ZNF469: variants seen among roughly 807,000 people sequenced by gnomAD.
The protein encoded by ZNF469 is zinc finger protein 469.
In ZNF469, 1 loss-of-function variant was observed where a neutral mutation model predicts 1.0. The observed-to-expected ratio is 1.00, with a 90% confidence interval of 0.35 to 4.73. ZNF469 has a LOEUF of 4.73. ZNF469 is among the 30% of genes most tolerant of loss of function. ZNF469 has a pLI of 0.16. For missense variants in ZNF469, 6,100 were observed against 5,356.3 expected (o/e 1.14, Z -4.33); for synonymous variants, 2,703 against 2,363.4 (o/e 1.14, Z -4.17).
the ZNF469 span, among the ~76,000 whole-genome samples, chr16:88,374,985 C>T: frequency 2.0e-5 from 3 of 152,226 alleles, no homozygotes; most frequent in South Asian, 2.1e-4. Context: ...AAAACACAGG[C>T]CCCAGCTGCA....
At position 88,422,944 on chromosome 16, in the gene ZNF469, T is replaced by C. The variant is rs1223859474; in HGVS notation, c.-191-1863T>C. Among the ~76,000 whole-genome samples the C allele has an allele frequency of 6.9e-5, 10 of 143,892 alleles. No homozygotes were observed. In the East Asian group the frequency reaches 2.2e-3, roughly 31 times the overall value. 94.4% of individuals were successfully genotyped at this position (143,892 alleles called of 152,430 possible). The stretch of plus-strand genomic sequence containing the variant: ...GATGGGTGATGGATGGGTGGATGGA[T>C]GATGATGGATGAGTGGATGGATGGA... On this transcript the variant is annotated intron_variant, in intron 1 of 2. Transcript: ENST00000565624.
the ZNF469 span, among the ~76,000 whole-genome samples, chr16:88,197,674 G>C: frequency 2.0e-5 from 3 of 152,208 alleles, no homozygotes; most frequent in African/African-American, 7.2e-5. Flanking sequence ...GTACGATGGT[G>C]TGGGCCTTGT....
chr16:88,418,152 G>A (rs1905354048), intron 1 of ZNF469, among the ~76,000 whole-genome samples: 1 of 152,244 alleles, frequency 6.6e-6, no homozygotes, highest in Non-Finnish European at 1.5e-5. Context: ...GGGGCAAGCA[G>A]AAGACCTGCG....
the ZNF469 span, among the ~76,000 whole-genome samples, chr16:88,296,744 CAT>C: frequency 1.4e-5 from 2 of 141,284 alleles, no homozygotes; most frequent in African/African-American, 2.7e-5. Context: ...CCCACACACA[CAT>C]ACACAGGTGC....
At chr16:88,408,579 G>A (rs745636170) in intron 1 of ZNF469, among the ~76,000 whole-genome samples, 6 of 151,934 alleles carry the variant, frequency 3.9e-5, no homozygotes, top group Non-Finnish European at 7.4e-5. Context: ...GGGTCAGCAC[G>A]AGGCTCAGGA....
At chr16:88,283,027 T>G in the ZNF469 span, among the ~76,000 whole-genome samples, 1 of 152,166 alleles carries the variant, frequency 6.6e-6, no homozygotes, top group Non-Finnish European at 1.5e-5. Flanking sequence ...ATGCATTAGG[T>G]CAAGAAGTTG....
At chr16:88,224,217 C>G in the ZNF469 span, among the ~76,000 whole-genome samples, 3 of 152,172 alleles carry the variant, frequency 2.0e-5, no homozygotes, top group Non-Finnish European at 2.9e-5. Flanking sequence ...CACGCGGCCA[C>G]ACACAGAACC....
At position 88,435,476 on chromosome 16, in the gene ZNF469, C is replaced by A; in HGVS notation, c.8006C>A (p.Ala2669Asp). The change falls in exon 3 of 3, where the codon GCC becomes GAC. Residue 2669 changes from alanine to aspartate, a missense_variant. Physicochemically the swap from Ala to Asp is moderately radical, Grantham distance 126. Coordinates refer to ENST00000565624, the MANE Select transcript of ZNF469 (RefSeq NM_001367624.2). ...GRGSRPSPAMASYAASPSHCL... is the reference protein window; with the variant it reads ...GRGSRPSPAMDSYAASPSHCL... ...GGCTCCAGACCATCCCCTGCAATGG[C>A]CAGTTACGCAGCCTCTCCGAGCCAC... The A allele has an allele frequency of 1.3e-6, 2 of 1,549,302 alleles. No individual in the cohort carries two copies. Among genetic ancestry groups the A allele is most frequent in the East Asian group, 4.9e-5 (2 of 40,916 alleles).
chr16:88,212,216 G>C, the ZNF469 span, among the ~76,000 whole-genome samples: 2 of 152,160 alleles, frequency 1.3e-5, no homozygotes, highest in Non-Finnish European at 2.9e-5. Flanking sequence ...CTATGCCTCG[G>C]AATCACTTGT....
chr16:88,403,003 G>A (rs534900915), intron 1 of ZNF469, among the ~76,000 whole-genome samples: 2 of 152,334 alleles, frequency 1.3e-5, no homozygotes, highest in East Asian at 1.9e-4. Context: ...GGCAACACCC[G>A]CCGTGCATAC....
At chr16:88,404,474 G>C (rs1331634183) in intron 1 of ZNF469, among the ~76,000 whole-genome samples, 1 of 152,182 alleles carries the variant, frequency 6.6e-6, no homozygotes, top group Non-Finnish European at 1.5e-5. Context: ...ATATCCCTTT[G>C]GCCATGTTCT....
At chr16:88,327,174 G>A in the ZNF469 span, among the ~76,000 whole-genome samples, 93 of 152,270 alleles carry the variant, frequency 6.1e-4, 2 homozygotes, top group African/African-American at 2.0e-3. Flanking sequence ...TCCAGGCCCC[G>A]GGTGGCCGCC....
At chr16:88,225,384 G>T in the ZNF469 span, among the ~76,000 whole-genome samples, 1 of 152,234 alleles carries the variant, frequency 6.6e-6, no homozygotes, top group Admixed American at 6.5e-5. Flanking sequence ...AAATCTTATA[G>T]AGTGCGAGGC....
the ZNF469 span, among the ~76,000 whole-genome samples, chr16:88,346,136 C>T: frequency 3.3e-5 from 5 of 152,202 alleles, no homozygotes; most frequent in Admixed American, 1.3e-4. Context: ...ACTCTTCCTC[C>T]GTGGGTGCCC....
the ZNF469 span, among the ~76,000 whole-genome samples, chr16:88,231,841 A>G: frequency 2.0e-5 from 3 of 152,226 alleles, 1 homozygote; most frequent in Admixed American, 2.0e-4. The surrounding 1 kb of genome is among the most constrained non-coding windows in gnomAD (Gnocchi z 4.5). Flanking sequence ...CAGGGAACAT[A>G]TTCCCAGGAT....
the ZNF469 span, among the ~76,000 whole-genome samples, chr16:88,345,153 TG>T: frequency 6.6e-6 from 1 of 152,138 alleles, no homozygotes; most frequent in Admixed American, 6.5e-5. Flanking sequence ...GAGCCTGAAT[TG>T]TCCAGCCAGC....
chr16:88,381,159 G>A (rs1319987613), upstream of ZNF469, among the ~76,000 whole-genome samples: 1 of 64,666 alleles, frequency 1.5e-5, no homozygotes, highest in Admixed American at 1.7e-4. Flanking sequence ...CTCACACACA[G>A]ACACGCCCTC....
chr16:88,114,059 G>C, the ZNF469 span, among the ~76,000 whole-genome samples: 42 of 151,986 alleles, frequency 2.8e-4, no homozygotes, highest in African/African-American at 9.2e-4. Flanking sequence ...AGCCAGTCCT[G>C]TCCCCCACCC....
At chr16:88,171,963 G>C in the ZNF469 span, among the ~76,000 whole-genome samples, 44 of 152,220 alleles carry the variant, frequency 2.9e-4, no homozygotes, top group Non-Finnish European at 5.9e-5. Context: ...GAAGTGTTCA[G>C]AGCATCATGT....
Sources: gnomAD v4.1 joint callset for allele counts (sites outside exome capture counted in the v4.1 genomes callset) on GRCh38, gnomAD v4.1.1 for gene constraint, Gnocchi (gnomAD v3.1) non-coding constraint, MANE v1.5 for transcripts, NCBI Gene and HGNC (gene_info 2026-07-23, HGNC 2026-07-21) for gene names.